Variants in TSHZ2 observed in about 807,000 individuals in gnomAD.
The protein encoded by TSHZ2 is teashirt zinc finger homeobox 2.
In TSHZ2, 21 loss-of-function variants were observed where a neutral mutation model predicts 74.4. The ratio of observed to expected loss-of-function variants is 0.28; its 90% CI spans 0.20 to 0.41. TSHZ2 has a LOEUF of 0.41. TSHZ2 is among the 10% of genes least tolerant of loss of function. The pLI, the probability that TSHZ2 is intolerant of heterozygous loss-of-function variation, is 1.00. For synonymous variants in TSHZ2, 540 were observed against 515.3 expected (o/e 1.05, Z -0.65); for missense variants, 1,244 against 1,293.5 (o/e 0.96, Z 0.59).
intron 2 of TSHZ2, among the ~76,000 whole-genome samples, chr20:53,376,464 C>T (rs754996617): frequency 2.0e-5 from 3 of 152,172 alleles, no homozygotes; most frequent in Non-Finnish European, 4.4e-5. Flanking sequence ...CTCAAGATAA[C>T]AAAGATATTC....
intron 2 of TSHZ2, among the ~76,000 whole-genome samples, chr20:53,373,966 T>C (rs1341915017): frequency 2.6e-5 from 4 of 152,228 alleles, no homozygotes. Context: ...GAAGCTTTTA[T>C]GTTTTACAAA....
At chr20:53,455,809 T>C (rs1199259448) in intron 2 of TSHZ2, among the ~76,000 whole-genome samples, 1 of 147,530 alleles carries the variant, frequency 6.8e-6, no homozygotes. Flanking sequence ...GAATATGCAG[T>C]GTTTGGTTTT....
intron 1 of TSHZ2, among the ~76,000 whole-genome samples, chr20:53,061,819 T>C (rs1984832563): frequency 1.3e-5 from 2 of 152,174 alleles, no homozygotes; most frequent in Admixed American, 6.5e-5. Context: ...CATTTTAAAA[T>C]CAACGAATGT....
At position 53,298,332 on chromosome 20, in the gene TSHZ2, G is replaced by A. The variant is rs117029867; in HGVS notation, c.*8+41761G>A. On this transcript the variant is annotated intron_variant, in intron 2 of 2. Transcript: ENST00000371497. ...AATAATTTCTAACGCAGTGTGAAAG[G>A]ATACAAACCATCGCACTGGGTCTGA... Among the ~76,000 whole-genome samples, 1,223 of 152,338 alleles carry A rather than the reference G, an allele frequency of 8.0e-3. 12 individuals are homozygous for A. Among genetic ancestry groups the A allele is most frequent in the Non-Finnish European group, 0.013 (875 of 68,040 alleles).
At chr20:53,289,574 A>C (rs1991242051) in intron 2 of TSHZ2, among the ~76,000 whole-genome samples, 1 of 152,178 alleles carries the variant, frequency 6.6e-6, no homozygotes, top group Non-Finnish European at 1.5e-5. Context: ...AGTGATGCTG[A>C]GCATTTTTCC....
chr20:53,263,211 G>C (rs1245962645), intron 2 of TSHZ2, among the ~76,000 whole-genome samples: 1 of 152,164 alleles, frequency 6.6e-6, no homozygotes, highest in African/African-American at 2.4e-5. Context: ...GTGATCAAGA[G>C]CTTTTTCTCA....
chr20:53,063,712 C>T (rs1246754069), intron 1 of TSHZ2, among the ~76,000 whole-genome samples: 2 of 152,184 alleles, frequency 1.3e-5, no homozygotes, highest in Non-Finnish European at 2.9e-5. Flanking sequence ...CCCAGGTACT[C>T]AACTTGAGCA....
At chr20:53,456,354 G>A (rs1168108154) in intron 2 of TSHZ2, among the ~76,000 whole-genome samples, 2 of 149,394 alleles carry the variant, frequency 1.3e-5, no homozygotes, top group East Asian at 2.0e-4. Flanking sequence ...CTGCATAAAT[G>A]TCTTCTTTTG....
intron 1 of TSHZ2, among the ~76,000 whole-genome samples, chr20:53,127,428 G>C (rs769817594): frequency 6.6e-6 from 1 of 152,252 alleles, no homozygotes; most frequent in East Asian, 1.9e-4. Context: ...CTATGGCTGG[G>C]CATAGTGGCG....
chr20:53,157,789 G>GTATT (rs957126781), intron 1 of TSHZ2, among the ~76,000 whole-genome samples: 6 of 152,088 alleles, frequency 3.9e-5, no homozygotes, highest in African/African-American at 1.4e-4. Context: ...TGTTCTTCAT[G>GTATT]TATTTATTTA....
intron 2 of TSHZ2, among the ~76,000 whole-genome samples, chr20:53,467,511 A>G (rs1023453473): frequency 1.3e-5 from 2 of 152,214 alleles, no homozygotes; most frequent in African/African-American, 4.8e-5. Context: ...AGATATCTAC[A>G]TTTCGTTAAG....
chr20:53,246,032 C>CTTTTTTTTTTTTTTTTTTTT (rs1301181982), intron 1 of TSHZ2, among the ~76,000 whole-genome samples: 1 of 123,234 alleles, frequency 8.1e-6, no homozygotes, highest in African/African-American at 3.5e-5. Context: ...TTCTTTCTTT[C>CTTTTTTTTTTTTTTTTTTTT]TTTCTTTCTT....
rs551732679 is a variant in TSHZ2, at chr20:52,985,661, G to A, written c.40+12328G>A. 5.9e-5 allele frequency among the ~76,000 whole-genome samples: 9 copies of A among 152,226 alleles called. No homozygotes were observed. In the South Asian group the frequency reaches 1.5e-3, roughly 25 times the overall value. On this transcript the variant is annotated intron_variant, in intron 1 of 2. Coordinates refer to ENST00000371497, the MANE Select transcript of TSHZ2 (RefSeq NM_173485.6). ...GCAGATGTTGTGTCTCATTGCTTTC[G>A]TGTCCACAAGACCTGGCACATAGAC...
At chr20:52,973,711 T>C (rs1327073600) in intron 1 of TSHZ2, among the ~76,000 whole-genome samples, 5 of 152,156 alleles carry the variant, frequency 3.3e-5, no homozygotes, top group Admixed American at 3.3e-4. Flanking sequence ...TCAGTGCCAG[T>C]GGCTTTTGGC....
At chr20:53,020,737 C>G (rs553823152) in intron 1 of TSHZ2, among the ~76,000 whole-genome samples, 2 of 152,306 alleles carry the variant, frequency 1.3e-5, no homozygotes, top group Admixed American at 6.5e-5. Flanking sequence ...GGGATAGCCT[C>G]AGGTTTACAC....
Position 53,068,514 on chromosome 20 carries a change from A to G in TSHZ2, c.40+95181A>G, listed in dbSNP as rs151220936. Among the ~76,000 whole-genome samples, 172 of 152,186 alleles carry G rather than the reference A, an allele frequency of 1.1e-3. No homozygotes were observed. The Middle Eastern group carries it at 0.017, about 15-fold the overall frequency. ...TTACTTTTCTGGCAGAATCTGCCTT[A>G]AGCCCCCACACCGAGTCTAGTTGCT... On this transcript the variant is annotated intron_variant, in intron 1 of 2. Transcript: ENST00000371497.
intron 2 of TSHZ2, among the ~76,000 whole-genome samples, chr20:53,468,484 T>A (rs1368125238): frequency 6.6e-6 from 1 of 152,184 alleles, no homozygotes; most frequent in African/African-American, 2.4e-5. Context: ...TTTGTTGTTG[T>A]TGTTCTCCAA....
At chr20:53,375,063 T>C (rs1018660067) in intron 2 of TSHZ2, among the ~76,000 whole-genome samples, 1 of 152,060 alleles carries the variant, frequency 6.6e-6, no homozygotes, top group African/African-American at 2.4e-5. Context: ...CATGTGTACA[T>C]ACACACACAC....
chr20:53,461,183 A>G (rs963080594), intron 2 of TSHZ2, among the ~76,000 whole-genome samples: 42 of 152,250 alleles, frequency 2.8e-4, no homozygotes, highest in Admixed American at 5.2e-4. Flanking sequence ...CTGTGCTAGC[A>G]ATCAGCGAGA....
Sources: gnomAD v4.1 joint callset for allele counts (sites outside exome capture counted in the v4.1 genomes callset) on GRCh38, gnomAD v4.1.1 for gene constraint, MANE v1.5 for transcripts, NCBI Gene and HGNC (gene_info 2026-07-23, HGNC 2026-07-21) for gene names.